The following CD55 variants were observed in gnomAD, a reference collection of about 807,000 sequenced individuals.
CD55 encodes the protein CD55 molecule (Cromer blood group), also known as complement decay-accelerating factor.
Under a neutral mutation model 45.8 loss-of-function variants are expected in CD55, and 41 were observed. The ratio of observed to expected loss-of-function variants is 0.90; its 90% CI spans 0.70 to 1.16. CD55 has a LOEUF of 1.16. Among genes scored for constraint, CD55 ranks in the 50% most tolerant of loss-of-function variants. The pLI is 0.00. For synonymous variants in CD55, 181 were observed against 181.1 expected (o/e 1.00, Z 0.01); for missense variants, 416 against 469.8 (o/e 0.89, Z 1.06).
At chr1:207,346,623 A>C (rs1447501067) in intron 9 of CD55, among the ~76,000 whole-genome samples, 2 of 152,104 alleles carry the variant, frequency 1.3e-5, no homozygotes, top group Non-Finnish European at 2.9e-5. Context: ...ATGCACTGGA[A>C]TTTGTCCTCA....
chr1:207,348,937 A>G (rs922382363), intron 9 of CD55, among the ~76,000 whole-genome samples: 1 of 152,082 alleles, frequency 6.6e-6, no homozygotes, highest in Non-Finnish European at 1.5e-5. Context: ...CTATTTTTGT[A>G]CCAGTACCAT....
rs371266855 is a variant in CD55, at chr1:207,336,710, A to G, written c.871A>G (p.Lys291Glu). ...PECRGKSLTS[K>E]VPPTVQKPTT... ...TTTCACAGGAAAATCTCTAACTTCC[A>G]AGGTCCCACCAACAGTTCAGAAACC... Residue 291 changes from lysine to glutamate, a missense_variant, in exon 7 of 10, where the codon AAG becomes GAG. Around this residue, in one of 3 missense-constraint regions of CD55, gnomAD observed 182 missense variants for 201.4 expected, o/e 0.90. Transcript: ENST00000367064. The G allele has an allele frequency of 5.6e-6, 9 of 1,613,472 alleles. No individual in the cohort carries two copies. Among genetic ancestry groups the G allele is most frequent in the Non-Finnish European group, 7.6e-6 (9 of 1,179,746 alleles).
At chr1:207,342,019 G>A (rs1655448288) in intron 9 of CD55, among the ~76,000 whole-genome samples, 1 of 151,982 alleles carries the variant, frequency 6.6e-6, no homozygotes, top group Non-Finnish European at 1.5e-5. Context: ...CAATGGAATT[G>A]CCTTCTTGAT....
At chr1:207,349,911 A>G (rs1655795549) in intron 9 of CD55, among the ~76,000 whole-genome samples, 1 of 152,184 alleles carries the variant, frequency 6.6e-6, no homozygotes, top group Non-Finnish European at 1.5e-5. Flanking sequence ...TAGGAATGAT[A>G]ATAATGGACA....
At chr1:207,348,942 T>C in intron 9 of CD55, among the ~76,000 whole-genome samples, 1 of 152,204 alleles carries the variant, frequency 6.6e-6, no homozygotes, top group East Asian at 1.9e-4. Context: ...TTTGTACCAG[T>C]ACCATGCTGT....
rs184770183 is a variant in CD55 at position 207,342,193 on chromosome 1, A to G, written c.1081+2776A>G. Among the ~76,000 whole-genome samples, 83 of 152,210 alleles carry G rather than the reference A, an allele frequency of 5.5e-4. 1 individual carries two copies. Among genetic ancestry groups the G allele is most frequent in the Non-Finnish European group, 5.0e-4 (34 of 67,976 alleles). On this transcript the variant is annotated intron_variant, in intron 9 of 9. Transcript: ENST00000367064. ...ATCGTATCATTAAAAAAGAGGGACA[A>G]TTTGACTTCCTCTATTCCAGTTTGG...
chr1:207,341,642 T>C (rs1572890668), intron 9 of CD55, among the ~76,000 whole-genome samples: 1 of 152,316 alleles, frequency 6.6e-6, no homozygotes, highest in South Asian at 2.1e-4. Flanking sequence ...TACCATGCTG[T>C]TTTTGGTTAC....
At position 207,321,693 on chromosome 1, in the gene CD55, C is replaced by T. The variant is rs567991102; in HGVS notation, c.-73C>T. 5 of 1,156,706 alleles carry T rather than the reference C, an allele frequency of 4.3e-6. No individual in the cohort carries two copies. Among genetic ancestry groups the T allele is most frequent in the Admixed American group, 5.5e-5 (2 of 36,680 alleles). The allele number at this position is 1,156,706 out of a possible 1,614,324, so 71.7% of individuals were successfully genotyped here. A position where few individuals can be genotyped will look rare whatever the true frequency, so the allele number is the denominator to read the frequency against. The stretch of plus-strand genomic sequence containing the variant: ...CACGAGGCTTCTGCTTACTGCAACT[C>T]GCTCCGGCCGCTGGGCGTAGCTGCG... On this transcript the variant is annotated 5_prime_UTR_variant, in exon 1 of 10. Coordinates refer to ENST00000367064, the MANE Select transcript of CD55 (RefSeq NM_000574.5).
chr1:207,337,176 C>T (rs556826736), intron 7 of CD55, 153 bp from the exon 8 acceptor site: 3 of 629,152 alleles, frequency 4.8e-6, no homozygotes, highest in African/African-American at 1.8e-5. Context: ...AATGCTTCTG[C>T]TACACAGGCC....
chr1:207,351,769 A>G (rs1453639305), intron 9 of CD55, among the ~76,000 whole-genome samples: 1 of 152,150 alleles, frequency 6.6e-6, no homozygotes, highest in African/African-American at 2.4e-5. Context: ...AATGGCACTC[A>G]ATGAAGGTTT....
intron 2 of CD55, among the ~76,000 whole-genome samples, 168 bp from the exon 3 acceptor site, chr1:207,324,391 A>T (rs1285488188): frequency 6.6e-6 from 1 of 152,166 alleles, no homozygotes; most frequent in Non-Finnish European, 1.5e-5. Context: ...ATACATGTGA[A>T]TACATTTGCT....
rs1196563333 is a variant in CD55, at chr1:207,336,815, C to A, written c.976C>A (p.Gln326Lys). Residue 326 changes from glutamine (Q) to lysine (K), a missense_variant, in exon 7 of 10, where the codon CAA (glutamine) becomes AAA (lysine). Physicochemically the swap from Gln to Lys is moderately conservative, Grantham distance 53. Around this residue, in one of 3 missense-constraint regions of CD55, gnomAD observed 182 missense variants for 201.4 expected, o/e 0.90. Coordinates refer to ENST00000367064, the MANE Select transcript of CD55 (RefSeq NM_000574.5). ...TTTKTTTPNAQATRSTPVSRT... is the reference protein window; with the variant it reads ...TTTKTTTPNAKATRSTPVSRT... ...CACAAAAACCACCACACCAAATGCTCAAGGTACAGAGACTCCATCAGTTCT... is the reference window on the plus strand; with the variant it reads ...CACAAAAACCACCACACCAAATGCTAAAGGTACAGAGACTCCATCAGTTCT... The A allele has an allele frequency of 6.2e-7, 1 of 1,613,682 alleles. No individual in the cohort carries two copies. Among genetic ancestry groups the A allele is most frequent in the Non-Finnish European group, 8.5e-7 (1 of 1,179,818 alleles).
At chr1:207,341,034 C>T (rs1038597000) in intron 9 of CD55, among the ~76,000 whole-genome samples, 1 of 152,264 alleles carries the variant, frequency 6.6e-6, no homozygotes, top group South Asian at 2.1e-4. Flanking sequence ...ATTTGCATTT[C>T]CATGATGATT....
intron 2 of CD55, among the ~76,000 whole-genome samples, chr1:207,323,798 T>C (rs1654541441): frequency 2.6e-5 from 4 of 152,236 alleles, no homozygotes; most frequent in African/African-American, 9.6e-5. Flanking sequence ...CCCCATGTTA[T>C]TACTTTATCC....
At chr1:207,327,756 G>A (rs924070656) in intron 5 of CD55, among the ~76,000 whole-genome samples, 10 of 152,130 alleles carry the variant, frequency 6.6e-5, no homozygotes, top group Non-Finnish European at 1.3e-4. Flanking sequence ...GGTAGGCAAC[G>A]TGTACGGTCA....
intron 5 of CD55, among the ~76,000 whole-genome samples, chr1:207,327,610 T>A (rs573810088): frequency 6.3e-4 from 96 of 152,300 alleles, no homozygotes; most frequent in Non-Finnish European, 1.2e-3. Context: ...CCACACACAA[T>A]GTGCCCTCCT....
At chr1:207,341,732 CTT>C (rs1174805457) in intron 9 of CD55, among the ~76,000 whole-genome samples, 1 of 150,282 alleles carries the variant, frequency 6.7e-6, no homozygotes, top group Admixed American at 6.6e-5. Context: ...TCTTTGGACT[CTT>C]TTGGTTCCAC....
At chr1:207,351,281 G>A (rs1329180735) in intron 9 of CD55, among the ~76,000 whole-genome samples, 3 of 152,142 alleles carry the variant, frequency 2.0e-5, no homozygotes, top group Non-Finnish European at 2.9e-5. Context: ...CAATCTTAGA[G>A]TATGTGCTAT....
chr1:207,340,503 C>T, intron 9 of CD55: 1 of 694,364 alleles, frequency 1.4e-6, no homozygotes, highest in Non-Finnish European at 2.6e-6. Flanking sequence ...GTAGCTGGTA[C>T]TACAGGTGTG....
Sources: gnomAD v4.1 joint callset for allele counts (sites outside exome capture counted in the v4.1 genomes callset) on GRCh38, gnomAD v4.1.1 for gene constraint, gnomAD v4.1.1 regional missense constraint, MANE v1.5 for transcripts, NCBI Gene and HGNC (gene_info 2026-07-23, HGNC 2026-07-21) for gene names.